Variants in SNAP25 observed in about 807,000 individuals in gnomAD.
The protein encoded by SNAP25 is synaptosome associated protein 25, also known as synaptosomal-associated protein 25.
SNAP25 carries 3 observed loss-of-function variants against 28.7 expected under a neutral mutation model. The observed-to-expected ratio is 0.10, with a 90% CI of 0.05 to 0.27. SNAP25 has a LOEUF of 0.27. Ranked by LOEUF, SNAP25 falls within the 10% of genes least tolerant of loss-of-function variation. SNAP25 has a pLI of 1.00. For missense variants in SNAP25, 117 were observed against 278.7 expected, an observed-to-expected ratio of 0.42 and a Z score of 4.13; for synonymous variants, 61 against 88.1, an observed-to-expected ratio of 0.69 and a Z score of 1.72.
chr20:10,257,540 C>T (rs2063340115), intron 1 of SNAP25, among the ~76,000 whole-genome samples: 1 of 152,160 alleles, frequency 6.6e-6, no homozygotes, highest in South Asian at 2.1e-4. Flanking sequence ...TGGAGAAACC[C>T]CGTCTCTACT....
intron 1 of SNAP25, among the ~76,000 whole-genome samples, chr20:10,257,444 G>C (rs565444483): frequency 6.6e-6 from 1 of 152,042 alleles, no homozygotes; most frequent in South Asian, 2.1e-4. Context: ...GGCCAGACGC[G>C]GTGGCTCACG....
intron 1 of SNAP25, among the ~76,000 whole-genome samples, chr20:10,256,949 T>C (rs1314683853): frequency 1.3e-5 from 2 of 152,212 alleles, no homozygotes; most frequent in Admixed American, 1.3e-4. Flanking sequence ...TATGTGTATA[T>C]CTGATTCTTT....
At chr20:10,264,565 T>C (rs2063474454) in intron 1 of SNAP25, among the ~76,000 whole-genome samples, 1 of 152,132 alleles carries the variant, frequency 6.6e-6, no homozygotes, top group South Asian at 2.1e-4. Flanking sequence ...GAAAACAACA[T>C]AGTGGGAAGG....
At chr20:10,248,413 A>T (rs980450927) in intron 1 of SNAP25, among the ~76,000 whole-genome samples, 1 of 152,224 alleles carries the variant, frequency 6.6e-6, no homozygotes, top group Non-Finnish European at 1.5e-5. Flanking sequence ...TATAACAAGG[A>T]AAATATAATT....
chr20:10,271,733 C>CGA lies in SNAP25; in HGVS notation c.-63-3681_-63-3680dup, dbSNP rs142870582. On this transcript the variant is annotated intron_variant, in intron 1 of 7. Transcript: ENST00000254976. ...GAGTATGTGTGAGAGAGAGGGAGAG[C>CGA]GAGAGAGAGAGAGAGAAGAGAGAGA... Among the ~76,000 whole-genome samples the CGA allele has an allele frequency of 8.6e-4, 129 of 149,290 alleles. 1 individual carries two copies. The South Asian group carries it at 0.023, about 26-fold the overall frequency.
At chr20:10,299,139 A>G (rs1468238899) in intron 6 of SNAP25, 129 bp from the exon 7 acceptor site, 2 of 1,049,346 alleles carry the variant, frequency 1.9e-6, no homozygotes, top group Non-Finnish European at 2.7e-6. Context: ...GTGTTTTTGT[A>G]CTGGATGGAG....
At chr20:10,256,545 A>G (rs757954295) in intron 1 of SNAP25, among the ~76,000 whole-genome samples, 22 of 152,232 alleles carry the variant, frequency 1.4e-4, no homozygotes, top group Non-Finnish European at 3.1e-4. Flanking sequence ...GGAAATCACA[A>G]GTTAAAAATA....
intron 1 of SNAP25, among the ~76,000 whole-genome samples, chr20:10,233,605 G>A (rs1332915881): frequency 6.6e-6 from 1 of 152,184 alleles, no homozygotes; most frequent in African/African-American, 2.4e-5. Flanking sequence ...TGGATAATGG[G>A]ATGCAGGAAG....
At chr20:10,291,756 C>T (rs1307933975) in intron 4 of SNAP25, among the ~76,000 whole-genome samples, 3 of 152,118 alleles carry the variant, frequency 2.0e-5, no homozygotes, top group African/African-American at 7.2e-5. Flanking sequence ...CTAGGCATGC[C>T]TTTATTCCAG....
rs138298312 is a variant in SNAP25 at position 10,257,707 on chromosome 20, G to A, written c.-63-17722G>A. Among the ~76,000 whole-genome samples, 607 of 149,036 alleles carry A rather than the reference G, an allele frequency of 4.1e-3. 4 individuals are homozygous for A. The highest frequency in any genetic ancestry group is 0.021 in the South Asian group (98 of 4,686). ...GCCTGGTCAACAAGAGCGAAACTCC[G>A]TCTCAAAAACAAAACAAAACAAAAA... is the stretch of plus-strand genomic sequence containing the variant. On this transcript the variant is annotated intron_variant, in intron 1 of 7. Coordinates refer to ENST00000254976, the MANE Select transcript of SNAP25 (RefSeq NM_130811.4).
At position 10,264,918 on chromosome 20, in the gene SNAP25, C is replaced by CTTTTTTTTTTT. The variant is rs958711328; in HGVS notation, c.-63-10502_-63-10492dup. Reference sequence around the variant, plus strand: ...TGATGCAAGGAGATCTCAGACCATGCTTTTTTTTTTTTTTTTTTTCTGAGA... The same window carrying CTTTTTTTTTTT: ...TGATGCAAGGAGATCTCAGACCATGCTTTTTTTTTTTTTTTTTTTTTTTTTTTTTTCTGAGA... On this transcript the variant is annotated intron_variant, in intron 1 of 7. Coordinates refer to ENST00000254976, the MANE Select transcript of SNAP25 (RefSeq NM_130811.4). Among the ~76,000 whole-genome samples, 76 of 117,122 alleles carry CTTTTTTTTTTT rather than the reference C, an allele frequency of 6.5e-4. 7 individuals carry two copies. Among genetic ancestry groups the CTTTTTTTTTTT allele is most frequent in the African/African-American group, 2.4e-3 (72 of 29,510 alleles). 76.8% of individuals were successfully genotyped at this position (117,122 alleles called of 152,430 possible). A position where few individuals can be genotyped will look rare whatever the true frequency, so the allele number is the denominator to read the frequency against.
At chr20:10,285,064 T>A (rs1212388686) in intron 4 of SNAP25, among the ~76,000 whole-genome samples, 1 of 152,206 alleles carries the variant, frequency 6.6e-6, no homozygotes, top group Non-Finnish European at 1.5e-5. Flanking sequence ...ATGATAGTAT[T>A]TTGGACAGTG....
At chr20:10,301,120 G>T (rs924987252) in intron 7 of SNAP25, among the ~76,000 whole-genome samples, 3 of 152,220 alleles carry the variant, frequency 2.0e-5, no homozygotes, top group Non-Finnish European at 2.9e-5. Context: ...CTTATTGACA[G>T]AGTTGAACTT....
rs772272984 is a variant in SNAP25, at chr20:10,299,427, G to A, written c.552+15G>A. On this transcript the variant is annotated intron_variant, in intron 7 of 7. Coordinates refer to ENST00000254976, the MANE Select transcript of SNAP25 (RefSeq NM_130811.4). ...TCATGGAGAAGGTGAGCACGTGGCA[G>A]TCAGCAAGTCCCTACTGCGAGTCAC... The A allele has an allele frequency of 6.2e-7, 1 of 1,609,130 alleles. No homozygotes were observed. The highest frequency in any genetic ancestry group is 2.2e-5 in the East Asian group (1 of 44,682).
At chr20:10,263,101 C>A (rs1026067542) in intron 1 of SNAP25, among the ~76,000 whole-genome samples, 2 of 145,672 alleles carry the variant, frequency 1.4e-5, no homozygotes, top group Admixed American at 7.2e-5. Context: ...TCACTGCAAG[C>A]TCCGCCTCCC....
chr20:10,282,146 GGGAAGGAA>G (rs1352039975), intron 3 of SNAP25, among the ~76,000 whole-genome samples: 1 of 126,422 alleles, frequency 7.9e-6, no homozygotes, highest in Admixed American at 9.2e-5. Flanking sequence ...GAAGGAAGGA[GGGAAGGAA>G]GGAAGGATGG....
chr20:10,291,668 A>G (rs1257823662), intron 4 of SNAP25, among the ~76,000 whole-genome samples: 1 of 152,222 alleles, frequency 6.6e-6, no homozygotes, highest in Non-Finnish European at 1.5e-5. Context: ...CACAATTTCC[A>G]CTGTATAACT....
chr20:10,300,914 A>C (rs545189299), intron 7 of SNAP25, among the ~76,000 whole-genome samples: 8 of 151,946 alleles, frequency 5.3e-5, no homozygotes, highest in African/African-American at 1.7e-4. Flanking sequence ...AAGCTGACCT[A>C]ACCCATTACG....
chr20:10,237,891 T>C (rs1203468475), intron 1 of SNAP25, among the ~76,000 whole-genome samples: 4 of 152,204 alleles, frequency 2.6e-5, no homozygotes, highest in African/African-American at 9.6e-5. Flanking sequence ...GGCCCAGCCA[T>C]GTCCAGCCCC....
Sources: gnomAD v4.1 joint callset for allele counts (sites outside exome capture counted in the v4.1 genomes callset) on GRCh38, gnomAD v4.1.1 for gene constraint, MANE v1.5 for transcripts, NCBI Gene and HGNC (gene_info 2026-07-23, HGNC 2026-07-21) for gene names.